Variants in LPAR1 observed in about 807,000 individuals in gnomAD.
LPAR1 encodes the protein lysophosphatidic acid receptor 1.
Under a neutral mutation model 23.8 loss-of-function variants are expected in LPAR1, and 5 were observed. The ratio of observed to expected loss-of-function variants is 0.21; its 90% CI spans 0.11 to 0.44. The LOEUF (loss-of-function observed/expected upper bound fraction) is 0.44, where lower values mean the gene tolerates loss of function less well. Among genes scored for constraint, LPAR1 ranks in the 20% least tolerant of loss-of-function variants. The pLI is 0.99. For missense variants in LPAR1, 311 were observed against 482.8 expected, an observed-to-expected ratio of 0.64 and a Z score of 3.33; for synonymous variants, 160 against 164.7, an observed-to-expected ratio of 0.97 and a Z score of 0.22.
chr9:110,914,259 G>C (rs991156288), intron 5 of LPAR1, among the ~76,000 whole-genome samples: 1 of 152,162 alleles, frequency 6.6e-6, no homozygotes, highest in Non-Finnish European at 1.5e-5. Context: ...ACATACCTGA[G>C]ACTGGATAAT....
chr9:110,892,653 G>A (rs150883534), intron 5 of LPAR1, among the ~76,000 whole-genome samples: 2,770 of 136,890 alleles, frequency 0.02, 34 homozygotes, highest in South Asian at 0.04. Flanking sequence ...GACAGAGTGA[G>A]AAAGAAAGAA....
intron 2 of LPAR1, among the ~76,000 whole-genome samples, chr9:111,035,121 AC>A (rs1481242880): frequency 1.3e-5 from 2 of 151,992 alleles, no homozygotes; most frequent in East Asian, 3.9e-4. Context: ...CTTCCTTTTC[AC>A]CATCCTTGCA....
intron 4 of LPAR1, among the ~76,000 whole-genome samples, chr9:110,956,417 G>A (rs971748487): frequency 6.6e-6 from 1 of 151,660 alleles, no homozygotes. Flanking sequence ...TGTGTAGTAG[G>A]GAATAAAAGT....
chr9:110,922,419 A>G (rs2093693143), intron 5 of LPAR1, among the ~76,000 whole-genome samples: 1 of 152,218 alleles, frequency 6.6e-6, no homozygotes, highest in African/African-American at 2.4e-5. Context: ...TGTGGAACAG[A>G]AAATGAAGAT....
intron 1 of LPAR1, among the ~76,000 whole-genome samples, chr9:111,036,831 G>A (rs1040041624): frequency 6.6e-6 from 1 of 152,122 alleles, no homozygotes; most frequent in African/African-American, 2.4e-5. Context: ...TACTTACAAT[G>A]CTGATTATTA....
intron 4 of LPAR1, among the ~76,000 whole-genome samples, chr9:110,963,998 G>A (rs2096100748): frequency 6.6e-6 from 1 of 152,150 alleles, no homozygotes; most frequent in Non-Finnish European, 1.5e-5. Context: ...ACTTCATACT[G>A]CAATTAATTG....
At chr9:111,024,999 G>A (rs531740878) in intron 2 of LPAR1, among the ~76,000 whole-genome samples, 2 of 152,150 alleles carry the variant, frequency 1.3e-5, no homozygotes, top group Non-Finnish European at 2.9e-5. Context: ...AAATAGTGCT[G>A]CAATAAACAT....
At chr9:111,000,876 G>C (rs1241524786) in intron 2 of LPAR1, among the ~76,000 whole-genome samples, 1 of 152,144 alleles carries the variant, frequency 6.6e-6, no homozygotes, top group Non-Finnish European at 1.5e-5. Context: ...ACAGTCTCCA[G>C]AGAGGTCGGT....
intron 5 of LPAR1, among the ~76,000 whole-genome samples, chr9:110,876,095 C>T (rs10980607): frequency 0.16 from 24,893 of 152,112 alleles, 2,531 homozygotes; most frequent in East Asian, 0.23. Flanking sequence ...AAGATAAGCA[C>T]GAATGATAAG....
At chr9:110,960,511 C>T (rs2095927094) in intron 4 of LPAR1, among the ~76,000 whole-genome samples, 1 of 152,120 alleles carries the variant, frequency 6.6e-6, no homozygotes, top group Non-Finnish European at 1.5e-5. Flanking sequence ...TAATTACTGA[C>T]TTGTTTTATG....
chr9:110,881,012 C>CA (rs1452710372), intron 5 of LPAR1, among the ~76,000 whole-genome samples: 4 of 152,120 alleles, frequency 2.6e-5, no homozygotes, highest in African/African-American at 9.7e-5. Flanking sequence ...GCTAAGGGTT[C>CA]ATTATAATGG....
intron 4 of LPAR1, among the ~76,000 whole-genome samples, chr9:110,971,085 A>G (rs1437017224): frequency 6.6e-6 from 1 of 152,234 alleles, no homozygotes; most frequent in Non-Finnish European, 1.5e-5. Flanking sequence ...CAGTGAACCA[A>G]GATCATGCCA....
intron 5 of LPAR1, among the ~76,000 whole-genome samples, chr9:110,923,485 T>C (rs113764411): frequency 0.011 from 1,665 of 152,316 alleles, 24 homozygotes; most frequent in African/African-American, 0.038. Flanking sequence ...TTAGATTATT[T>C]TGGCCAACTG....
At chr9:110,977,909 AAAG>A (rs1029668912) in intron 2 of LPAR1, among the ~76,000 whole-genome samples, 7 of 149,172 alleles carry the variant, frequency 4.7e-5, no homozygotes, top group East Asian at 2.0e-4. Flanking sequence ...GGAAGGAAGG[AAAG>A]AAGGAAAGAA....
chr9:111,032,153 G>T (rs1033403139), intron 2 of LPAR1, among the ~76,000 whole-genome samples: 14 of 152,274 alleles, frequency 9.2e-5, no homozygotes, highest in Non-Finnish European at 2.1e-4. Flanking sequence ...TTACCAACCA[G>T]ATATCAGTTC....
chr9:110,973,655 GTTCA>G (rs1487815698), intron 2 of LPAR1, 97 bp from the exon 3 acceptor site: 1 of 152,074 alleles, frequency 6.6e-6, no homozygotes, highest in Non-Finnish European at 1.5e-5. Flanking sequence ...TTATTCACGT[GTTCA>G]TTAAGAAAAC....
chr9:111,017,707 T>C (rs940233664), intron 2 of LPAR1, among the ~76,000 whole-genome samples: 10 of 152,280 alleles, frequency 6.6e-5, no homozygotes, highest in South Asian at 2.1e-4. Context: ...CTACCATCAG[T>C]TGATGCAGTG....
At chr9:110,883,778 C>A (rs919614637) in intron 5 of LPAR1, among the ~76,000 whole-genome samples, 4 of 152,146 alleles carry the variant, frequency 2.6e-5, no homozygotes, top group Non-Finnish European at 5.9e-5. Context: ...TTTAATTATA[C>A]AATTTATCCC....
At chr9:111,031,393 TA>T (rs56906013) in intron 2 of LPAR1, among the ~76,000 whole-genome samples, 113 of 103,674 alleles carry the variant, frequency 1.1e-3, no homozygotes, top group South Asian at 4.3e-3. Context: ...CCCATTTCTT[TA>T]AAAAAAAAAA....
Sources: allele counts gnomAD v4.1 joint callset (sites outside exome capture counted in the v4.1 genomes callset), GRCh38; gene constraint gnomAD v4.1.1; transcripts MANE v1.5; gene names NCBI Gene and HGNC (gene_info 2026-07-23, HGNC 2026-07-21).